Variants in XRN1 observed in about 807,000 individuals in gnomAD.
The protein encoded by XRN1 is strand-exchange protein 1 homolog.
Under a neutral mutation model 222.3 loss-of-function variants are expected in XRN1, and 67 were observed. The observed-to-expected ratio is 0.30, with a 90% CI of 0.25 to 0.37. The LOEUF (loss-of-function observed/expected upper bound fraction) is 0.37, where lower values mean the gene tolerates loss of function less well. Ranked by LOEUF, XRN1 falls within the 10% of genes least tolerant of loss-of-function variation. XRN1 has a pLI of 1.00. For missense variants in XRN1, 1,707 were observed against 2,000.2 expected (o/e 0.85, Z 2.80); for synonymous variants, 643 against 652.4 (o/e 0.99, Z 0.22).
chr3:142,311,902 T>C, intron 40 of XRN1, 89 bp from the exon 41 acceptor site: 1 of 1,319,756 alleles, frequency 7.6e-7, no homozygotes, highest in South Asian at 1.5e-5. Context: ...ATGCTGTTAA[T>C]ATTTGTCAAT....
Position 142,447,180 on chromosome 3 carries a change from T to C in XRN1, c.75+690A>G, listed in dbSNP as rs1422116550. Among the ~76,000 whole-genome samples the C allele has an allele frequency of 1.3e-5, 2 of 152,198 alleles. No individual in the cohort carries two copies. Among genetic ancestry groups the C allele is most frequent in the African/African-American group, 4.8e-5 (2 of 41,446 alleles). On this transcript the variant is annotated intron_variant, in intron 1 of 40. Coordinates refer to ENST00000392981, the MANE Select transcript of XRN1 (RefSeq NM_001282857.2). This position sits in a 1 kb window ranked among gnomAD's most constrained non-coding sequence, Gnocchi z 4.2. ...TACATGCCAAATATTATTAGTAGTATTAATGTTCTATCAATTCGTTTCCCA... is the reference window on the plus strand; with the variant it reads ...TACATGCCAAATATTATTAGTAGTACTAATGTTCTATCAATTCGTTTCCCA...
intron 23 of XRN1, among the ~76,000 whole-genome samples, chr3:142,376,841 T>C (rs2067157869): frequency 6.6e-6 from 1 of 152,030 alleles, no homozygotes; most frequent in Non-Finnish European, 1.5e-5. Flanking sequence ...GGGGAGGAAA[T>C]ATACAGTTTG....
Position 142,375,956 on chromosome 3 carries a change from C to G in XRN1, c.2832-12G>C, listed in dbSNP as rs376353421. ...GGTCTCCATGAGGGCTGAATTTAAACCACACATGCGCACACGTGCACACAC... is the reference window on the plus strand; with the variant it reads ...GGTCTCCATGAGGGCTGAATTTAAAGCACACATGCGCACACGTGCACACAC... On this transcript the variant is annotated splice_polypyrimidine_tract_variant and intron_variant, in intron 24 of 40. Coordinates refer to ENST00000392981, the MANE Select transcript of XRN1 (RefSeq NM_001282857.2). The G allele has an allele frequency of 8.4e-4, 1,350 of 1,600,192 alleles. 5 individuals are homozygous for G. Among genetic ancestry groups the G allele is most frequent in the Middle Eastern group, 5.7e-3 (34 of 6,002 alleles).
At chr3:142,327,062 C>T (rs768802082) in intron 37 of XRN1, among the ~76,000 whole-genome samples, 14 of 152,008 alleles carry the variant, frequency 9.2e-5, no homozygotes, top group East Asian at 1.9e-4. Flanking sequence ...TCAGATATAT[C>T]GGCCTGTAGT....
intron 15 of XRN1, among the ~76,000 whole-genome samples, chr3:142,410,575 C>T (rs1185941794): frequency 7.2e-6 from 1 of 139,714 alleles, no homozygotes; most frequent in African/African-American, 2.7e-5. Context: ...CTCACTGCAA[C>T]CTCTGCCTCT....
At chr3:142,372,046 T>C (rs905708156) in intron 25 of XRN1, among the ~76,000 whole-genome samples, 2 of 152,302 alleles carry the variant, frequency 1.3e-5, no homozygotes, top group East Asian at 1.9e-4. Context: ...TCAGGAATTA[T>C]AGGTTCCAGG....
At chr3:142,340,808 T>TAA (rs970103468) in intron 33 of XRN1, among the ~76,000 whole-genome samples, 3 of 152,142 alleles carry the variant, frequency 2.0e-5, no homozygotes, top group African/African-American at 7.2e-5. Flanking sequence ...TTTTACCCTA[T>TAA]AATAGTATAT....
At chr3:142,393,331 T>G (rs1312924651) in intron 20 of XRN1, among the ~76,000 whole-genome samples, 4 of 147,160 alleles carry the variant, frequency 2.7e-5, no homozygotes, top group Admixed American at 6.8e-5. Flanking sequence ...TTAGTTTAAT[T>G]AGATCCCATT....
At chr3:142,401,386 T>G (rs894698700) in intron 18 of XRN1, among the ~76,000 whole-genome samples, 1 of 152,174 alleles carries the variant, frequency 6.6e-6, no homozygotes, top group African/African-American at 2.4e-5. Context: ...AAATATTCTG[T>G]AGGAAATAAT....
chr3:142,429,459 G>A (rs1037672602), intron 2 of XRN1, among the ~76,000 whole-genome samples: 5 of 151,980 alleles, frequency 3.3e-5, no homozygotes, highest in Admixed American at 1.3e-4. Flanking sequence ...GGATTTAGCC[G>A]TAATCTTGTC....
intron 20 of XRN1, among the ~76,000 whole-genome samples, chr3:142,388,680 T>C (rs1035212669): frequency 2.0e-5 from 3 of 152,236 alleles, no homozygotes; most frequent in South Asian, 2.1e-4. Context: ...GTTTGCTGTA[T>C]CAGCTGACTC....
chr3:142,330,710 T>A (rs2065672171), intron 36 of XRN1, among the ~76,000 whole-genome samples: 2 of 152,276 alleles, frequency 1.3e-5, no homozygotes, highest in Middle Eastern at 3.4e-3. Flanking sequence ...CAGGACCATG[T>A]CTGTCACTAT....
intron 1 of XRN1, among the ~76,000 whole-genome samples, chr3:142,434,342 A>G (rs1232737483): frequency 2.6e-5 from 4 of 151,896 alleles, no homozygotes; most frequent in Admixed American, 6.6e-5. Flanking sequence ...GCTAATTTTC[A>G]TATCTTTTGT....
chr3:142,335,328 C>T, intron 34 of XRN1, 120 bp downstream of exon 34: 1 of 890,780 alleles, frequency 1.1e-6, no homozygotes, highest in South Asian at 1.5e-5. Flanking sequence ...CTTCAGTGAC[C>T]CTCTGGCCAC....
chr3:142,367,851 T>C (rs1009502025), intron 27 of XRN1, among the ~76,000 whole-genome samples: 6 of 151,978 alleles, frequency 3.9e-5, no homozygotes, highest in African/African-American at 1.5e-4. Flanking sequence ...TTAATGATGA[T>C]CCTGCATTAC....
intron 37 of XRN1, among the ~76,000 whole-genome samples, chr3:142,323,515 G>C (rs768213995): frequency 1.3e-5 from 2 of 151,928 alleles, no homozygotes; most frequent in African/African-American, 4.8e-5. Flanking sequence ...TTAAAGTATA[G>C]CCAAAACTAT....
rs114672292 is a variant in XRN1, at chr3:142,334,379, T to A, written c.3939+1069A>T. Among the ~76,000 whole-genome samples, 1,433 of 151,894 alleles carry A rather than the reference T, an allele frequency of 9.4e-3. 22 individuals are homozygous for A. Among genetic ancestry groups the A allele is most frequent in the African/African-American group, 0.033 (1,353 of 41,500 alleles). On this transcript the variant is annotated intron_variant, in intron 34 of 40. Transcript: ENST00000392981. ...AATATATTACTATAAGAGATCAATT[T>A]AAAAAAATATATATTAAAATATGAT...
At chr3:142,385,027 G>A (rs1460318245) in intron 20 of XRN1, among the ~76,000 whole-genome samples, 1 of 152,148 alleles carries the variant, frequency 6.6e-6, no homozygotes, top group East Asian at 1.9e-4. Context: ...CATTACTGGT[G>A]GGACTGTAAA....
At chr3:142,379,154 C>G (rs1415350465) in intron 23 of XRN1, among the ~76,000 whole-genome samples, 3 of 151,866 alleles carry the variant, frequency 2.0e-5, no homozygotes, top group African/African-American at 7.3e-5. Context: ...GCCTGTAATC[C>G]CAGCTACTTG....
Sources: gnomAD v4.1 joint callset for allele counts (sites outside exome capture counted in the v4.1 genomes callset) on GRCh38, gnomAD v4.1.1 for gene constraint, Gnocchi (gnomAD v3.1) non-coding constraint, MANE v1.5 for transcripts, NCBI Gene and HGNC (gene_info 2026-07-23, HGNC 2026-07-21) for gene names.